IKBKB: variants seen among roughly 807,000 people sequenced by gnomAD.
IKBKB encodes inhibitor of nuclear factor kappa-B kinase subunit beta.
In IKBKB, 42 loss-of-function variants were observed where a neutral mutation model predicts 113.6. That is an observed-to-expected ratio of 0.37 (90% CI 0.29 to 0.48). IKBKB has a LOEUF of 0.48. Ranked by LOEUF, IKBKB falls within the 20% of genes least tolerant of loss-of-function variation. The pLI is 0.99. For synonymous variants in IKBKB, 296 were observed against 361.3 expected, an observed-to-expected ratio of 0.82 and a Z score of 2.05; for missense variants, 673 against 939.7, an observed-to-expected ratio of 0.72 and a Z score of 3.71.
chr8:42,324,283 G>A (rs77832080), intron 19 of IKBKB, among the ~76,000 whole-genome samples: 1,904 of 151,566 alleles, frequency 0.013, 42 homozygotes, highest in African/African-American at 0.044. Context: ...TTTTTTTTTC[G>A]AGACAAAGTC....
chr8:42,293,650 G>T, intron 5 of IKBKB, 138 bp downstream of exon 5: 2 of 1,460,328 alleles, frequency 1.4e-6, no homozygotes, highest in Non-Finnish European at 1.9e-6. Flanking sequence ...AGGGACGGGG[G>T]ACCCTGGTGG....
intron 5 of IKBKB, among the ~76,000 whole-genome samples, chr8:42,293,774 C>A (rs1813145105): frequency 6.6e-6 from 1 of 152,202 alleles, no homozygotes; most frequent in Non-Finnish European, 1.5e-5. Flanking sequence ...AACAGATTTC[C>A]TTTCCCATTA....
At position 42,285,802 on chromosome 8, in the gene IKBKB, A is replaced by C. The variant is rs569919955; in HGVS notation, c.106-2832A>C. Among the ~76,000 whole-genome samples, 15 of 152,344 alleles carry C rather than the reference A, an allele frequency of 9.8e-5. No homozygotes were observed. The East Asian group carries it at 2.9e-3, about 29-fold the overall frequency. On this transcript the variant is annotated intron_variant, in intron 2 of 21. Coordinates refer to ENST00000520810, the MANE Select transcript of IKBKB (RefSeq NM_001556.3). The stretch of plus-strand genomic sequence containing the variant: ...CCTTGGAAACAGTGCTCAGGGAAAG[A>C]AGCCTGTCACAAAAGGCCACATGAT...
chr8:42,283,969 G>C (rs972524395), intron 2 of IKBKB, among the ~76,000 whole-genome samples: 1 of 152,164 alleles, frequency 6.6e-6, no homozygotes, highest in African/African-American at 2.4e-5. Context: ...GGCACCTCAC[G>C]CTGCAGCGGG....
At chr8:42,295,116 C>CTTTT (rs903163193) in intron 5 of IKBKB, among the ~76,000 whole-genome samples, 12 of 113,790 alleles carry the variant, frequency 1.1e-4, no homozygotes, top group South Asian at 2.9e-4. Flanking sequence ...TTACGAAAGT[C>CTTTT]TTTTTTTTTT....
In IKBKB at chr8:42,321,913, A is replaced by G. The variant is rs1404740155; in HGVS notation, c.1706A>G (p.Glu569Gly). 3.1e-6 allele frequency: 5 copies of G among 1,612,110 alleles called. No individual in the cohort carries two copies. In the South Asian group the frequency reaches 5.5e-5, roughly 18 times the overall value. The change falls in exon 17 of 22, where the codon GAG becomes GGG. Residue 569 changes from glutamate (E) to glycine (G), a missense_variant. Around this residue, in one of 2 missense-constraint regions of IKBKB, gnomAD observed 506 missense variants for 638.7 expected, o/e 0.79. Coordinates refer to ENST00000520810, the MANE Select transcript of IKBKB (RefSeq NM_001556.3). ...TLDDLEEQAR[E>G]LYRRLREKPR... is the part of the protein sequence containing the mutation. Reference sequence around the variant, plus strand: ...TATTTTAGAGAGGAGCAAGCAAGGGAGCTGTACAGGAGACTAAGGGAAAAA... The same window carrying G: ...TATTTTAGAGAGGAGCAAGCAAGGGGGCTGTACAGGAGACTAAGGGAAAAA...
At chr8:42,308,575 C>T (rs6988732) in intron 7 of IKBKB, among the ~76,000 whole-genome samples, 1 of 151,984 alleles carries the variant, frequency 6.6e-6, no homozygotes, top group South Asian at 2.1e-4. Flanking sequence ...TGGGATTACA[C>T]GTGTGAGCCA....
intron 6 of IKBKB, among the ~76,000 whole-genome samples, chr8:42,305,574 C>G (rs1475463734): frequency 6.7e-6 from 1 of 150,356 alleles, no homozygotes; most frequent in African/African-American, 2.5e-5. Context: ...TGGAAGTCGA[C>G]TTTTTGTTTT....
chr8:42,321,103 A>C, intron 16 of IKBKB: 1 of 354,742 alleles, frequency 2.8e-6, no homozygotes, highest in Non-Finnish European at 5.1e-6. Context: ...TAATCTGTAA[A>C]GGCTGTAAAA....
chr8:42,298,291 C>A, intron 5 of IKBKB: 1 of 985,424 alleles, frequency 1.0e-6, no homozygotes, highest in South Asian at 4.7e-5. Flanking sequence ...TTCCTGGATT[C>A]TGCAGGTGGC....
chr8:42,320,828 G>C lies in IKBKB; in HGVS notation c.1672G>C (p.Gly558Arg). The change falls in exon 16 of 22, where the codon GGA (glycine) becomes CGA (arginine). Residue 558 changes from glycine (G) to arginine (R), a missense_variant. This residue lies in a region of IKBKB where 506 missense variants were observed against 638.7 expected (regional missense o/e 0.79). Transcript: ENST00000520810. ...QRSPMGRKQG[G>R]TLDDLEEQAR... Reference sequence around the variant, plus strand: ...GAGCCCCATGGGCCGGAAGCAGGGGGGAACGCTGGACGACCTGTGAGTACT... The same window carrying C: ...GAGCCCCATGGGCCGGAAGCAGGGGCGAACGCTGGACGACCTGTGAGTACT... 2 of 1,596,670 alleles carry C rather than the reference G, an allele frequency of 1.3e-6. No individual in the cohort carries two copies. Among genetic ancestry groups the C allele is most frequent in the Non-Finnish European group, 8.5e-7 (1 of 1,171,130 alleles).
intron 21 of IKBKB, chr8:42,329,701 G>T: frequency 1.0e-6 from 1 of 985,398 alleles, no homozygotes; most frequent in Non-Finnish European, 1.2e-6. Context: ...CTGAGTATTT[G>T]TGTGTTGAGT....
intron 8 of IKBKB, 21 bp downstream of exon 8, chr8:42,309,046 T>C: frequency 1.2e-6 from 2 of 1,609,652 alleles, no homozygotes; most frequent in Non-Finnish European, 1.7e-6. Context: ...CCGGGGCACC[T>C]GGATGGAGGA....
intron 2 of IKBKB, among the ~76,000 whole-genome samples, chr8:42,284,602 G>A (rs1396250925): frequency 4.0e-5 from 6 of 151,510 alleles, no homozygotes; most frequent in South Asian, 2.1e-4. Context: ...AAAAAATACC[G>A]AGGTGATACT....
chr8:42,311,768 T>C (rs543831910), intron 8 of IKBKB, among the ~76,000 whole-genome samples: 1 of 152,298 alleles, frequency 6.6e-6, no homozygotes, highest in East Asian at 1.9e-4. Context: ...ATTGCTCCTT[T>C]AGCTACATAG....
At chr8:42,282,275 A>G (rs908801044) in intron 2 of IKBKB, among the ~76,000 whole-genome samples, 1 of 152,096 alleles carries the variant, frequency 6.6e-6, no homozygotes, top group African/African-American at 2.4e-5. Context: ...GTCTCGCTCT[A>G]TTGCCCAGCC....
At position 42,316,820 on chromosome 8, in the gene IKBKB, A is replaced by G; in HGVS notation, c.1041A>G (p.Pro347=). The part of the protein sequence containing the change: ...KARIQQDTGI[P]EEDQELLQEA... Reference sequence around the variant, plus strand: ...GAATCCAACAGGACACGGGCATCCCAGAGGAGGACCAGGAGCTGCTGCAGG... The same window carrying G: ...GAATCCAACAGGACACGGGCATCCCGGAGGAGGACCAGGAGCTGCTGCAGG... Residue 347 remains proline (P), a synonymous_variant, in exon 11 of 22, where the codon CCA becomes CCG. Coordinates refer to ENST00000520810, the MANE Select transcript of IKBKB (RefSeq NM_001556.3). The surrounding 1 kb of genome is among the most constrained non-coding windows in gnomAD (Gnocchi z 4.5). The G allele has an allele frequency of 6.2e-7, 1 of 1,614,180 alleles. No homozygotes were observed. The highest frequency in any genetic ancestry group is 8.5e-7 in the Non-Finnish European group (1 of 1,180,026).
chr8:42,297,058 C>T (rs548734885), intron 5 of IKBKB, among the ~76,000 whole-genome samples: 11 of 152,316 alleles, frequency 7.2e-5, no homozygotes, highest in South Asian at 4.1e-4. Flanking sequence ...GGGAACCACA[C>T]GGGTGGGTGC....
At chr8:42,318,875 T>C in intron 13 of IKBKB, 200 bp downstream of exon 13, 1 of 571,318 alleles carries the variant, frequency 1.8e-6, no homozygotes, top group Non-Finnish European at 3.0e-6. Flanking sequence ...GTGAGTGTGG[T>C]TGGCACAGGG....
Sources: allele counts gnomAD v4.1 joint callset (sites outside exome capture counted in the v4.1 genomes callset), GRCh38; gene constraint gnomAD v4.1.1; regional missense constraint gnomAD v4.1.1; non-coding constraint Gnocchi (gnomAD v3.1); transcripts MANE v1.5; gene names NCBI Gene and HGNC (gene_info 2026-07-23, HGNC 2026-07-21).